Variants in PDLIM5 observed in about 807,000 individuals in gnomAD.
The protein encoded by PDLIM5 is PDZ and LIM domain 5, also known as PDZ and LIM domain protein 5.
A neutral mutation model predicts 64.2 loss-of-function variants in PDLIM5; 34 were observed. That is an observed-to-expected ratio of 0.53 (90% confidence interval 0.40 to 0.71). The LOEUF is 0.71. Ranked by LOEUF, PDLIM5 falls within the 30% of genes least tolerant of loss-of-function variation. The pLI is 0.00. For synonymous variants in PDLIM5, 253 were observed against 269.1 expected, an observed-to-expected ratio of 0.94 and a Z score of 0.59; for missense variants, 683 against 733.6, an observed-to-expected ratio of 0.93 and a Z score of 0.80.
chr4:94,647,216 A>G (rs1411479072), intron 9 of PDLIM5, among the ~76,000 whole-genome samples: 1 of 152,306 alleles, frequency 6.6e-6, no homozygotes, highest in East Asian at 1.9e-4. Context: ...GTGGAAGGGT[A>G]GATAAAATTA....
intron 2 of PDLIM5, among the ~76,000 whole-genome samples, chr4:94,481,955 T>C (rs541176526): frequency 6.6e-6 from 1 of 152,210 alleles, no homozygotes; most frequent in African/African-American, 2.4e-5. Context: ...TCTTGGTCTT[T>C]TCTCCGTAAT....
chr4:94,563,898 ATCT>A (rs1283886399), intron 3 of PDLIM5, among the ~76,000 whole-genome samples: 2 of 147,440 alleles, frequency 1.4e-5, no homozygotes, highest in Non-Finnish European at 3.0e-5. Context: ...TTTGGATTTA[ATCT>A]TCTTCCAAAA....
intron 2 of PDLIM5, among the ~76,000 whole-genome samples, chr4:94,485,861 A>G (rs1027084677): frequency 3.3e-5 from 5 of 151,766 alleles, no homozygotes; most frequent in Non-Finnish European, 7.4e-5. Context: ...AAAAAAAAAA[A>G]AAAAAGAAAA....
At chr4:94,594,970 G>T (rs1736953927) in intron 7 of PDLIM5, among the ~76,000 whole-genome samples, 1 of 152,120 alleles carries the variant, frequency 6.6e-6, no homozygotes, top group Admixed American at 6.5e-5. Context: ...AGTTCCACAG[G>T]CTTAACAGGA....
At chr4:94,621,987 A>T (rs1240134165) in intron 8 of PDLIM5, among the ~76,000 whole-genome samples, 1 of 152,196 alleles carries the variant, frequency 6.6e-6, no homozygotes, top group African/African-American at 2.4e-5. Flanking sequence ...GTTCTTATTT[A>T]TCTTGCTCCA....
intron 8 of PDLIM5, among the ~76,000 whole-genome samples, chr4:94,622,961 G>T (rs989646768): frequency 6.6e-6 from 1 of 151,922 alleles, no homozygotes; most frequent in Non-Finnish European, 1.5e-5. Flanking sequence ...AAGCCACCAC[G>T]CCCGGCCTCC....
chr4:94,599,628 CA>C (rs774373061), intron 7 of PDLIM5, among the ~76,000 whole-genome samples: 31 of 151,920 alleles, frequency 2.0e-4, no homozygotes, highest in Non-Finnish European at 3.8e-4. Flanking sequence ...TCAAACAATT[CA>C]ATAGTAAGGT....
intron 8 of PDLIM5, among the ~76,000 whole-genome samples, chr4:94,630,285 A>G (rs1740038223): frequency 6.6e-6 from 1 of 152,212 alleles, no homozygotes; most frequent in South Asian, 2.1e-4. Flanking sequence ...TTTTCACACC[A>G]TAAAATCTCA....
At chr4:94,625,052 T>A (rs1739556923) in intron 8 of PDLIM5, among the ~76,000 whole-genome samples, 1 of 152,324 alleles carries the variant, frequency 6.6e-6, no homozygotes, top group Non-Finnish European at 1.5e-5. Context: ...CCCTGGGCAG[T>A]GGCAGTGTTT....
chr4:94,645,103 T>C (rs192355408), intron 9 of PDLIM5, among the ~76,000 whole-genome samples: 11 of 152,234 alleles, frequency 7.2e-5, no homozygotes, highest in Admixed American at 1.3e-4. Context: ...TGAAAGTCCA[T>C]TGTGTCATTT....
intron 5 of PDLIM5, 25 bp from the exon 6 acceptor site, chr4:94,585,540 A>ATAT: frequency 7.3e-7 from 1 of 1,362,446 alleles, no homozygotes; most frequent in Non-Finnish European, 9.8e-7. Context: ...ACAATTTTTA[A>ATAT]TTTTTTTTTT....
chr4:94,528,901 T>A (rs1476367287), intron 3 of PDLIM5, among the ~76,000 whole-genome samples: 1 of 152,214 alleles, frequency 6.6e-6, no homozygotes, highest in Admixed American at 6.5e-5. Context: ...TATTTTAAAC[T>A]GCAGTTTCCC....
intron 3 of PDLIM5, among the ~76,000 whole-genome samples, chr4:94,546,831 GC>G (rs5860366): frequency 2.3e-4 from 34 of 150,968 alleles, no homozygotes; most frequent in African/African-American, 7.3e-4. Context: ...CTGACATTAG[GC>G]CCCCCCCACC....
In PDLIM5 at chr4:94,596,459, T is replaced by G. The variant is rs1324091856; in HGVS notation, c.920+10015T>G. 2.6e-5 allele frequency among the ~76,000 whole-genome samples: 4 copies of G among 152,212 alleles called. No homozygotes were observed. The East Asian group carries it at 7.7e-4, about 29-fold the overall frequency. On this transcript the variant is annotated intron_variant, in intron 7 of 12. Transcript: ENST00000317968. ...AAGTAAATTACACAATAAAATTATT[T>G]TATTGAATTAAACCAGATAATTAAA... is the stretch of plus-strand genomic sequence containing the variant.
intron 4 of PDLIM5, 66 bp downstream of exon 4, chr4:94,573,459 T>G: frequency 3.4e-6 from 4 of 1,191,848 alleles, no homozygotes; most frequent in Non-Finnish European, 5.0e-6. Context: ...GTAATTCCCA[T>G]TACTGTCTCA....
At chr4:94,601,755 C>CATTT (rs1737520805) in intron 7 of PDLIM5, among the ~76,000 whole-genome samples, 1 of 152,116 alleles carries the variant, frequency 6.6e-6, no homozygotes, top group Non-Finnish European at 1.5e-5. Context: ...GCTCAAGTAA[C>CATTT]ATTTTCAGGC....
chr4:94,547,347 G>A (rs964256195), intron 3 of PDLIM5, among the ~76,000 whole-genome samples: 4 of 152,218 alleles, frequency 2.6e-5, no homozygotes, highest in Admixed American at 2.0e-4. Context: ...AGTTTCTGGA[G>A]ACTACCTGCA....
chr4:94,579,212 G>A (rs1735538736), intron 5 of PDLIM5: 1 of 194,530 alleles, frequency 5.1e-6, no homozygotes, highest in Non-Finnish European at 1.0e-5. Context: ...GGTCATAGCT[G>A]GCTGTTTTCT....
chr4:94,512,239 T>C (rs1339808674), intron 2 of PDLIM5, among the ~76,000 whole-genome samples: 10 of 152,074 alleles, frequency 6.6e-5, no homozygotes, highest in Non-Finnish European at 1.2e-4. Context: ...CCGGATGGTC[T>C]CAATCTCCTG....
Sources: gnomAD v4.1 joint callset for allele counts (sites outside exome capture counted in the v4.1 genomes callset) on GRCh38, gnomAD v4.1.1 for gene constraint, MANE v1.5 for transcripts, NCBI Gene and HGNC (gene_info 2026-07-23, HGNC 2026-07-21) for gene names.